The following HTT variants were observed in gnomAD, a reference collection of about 807,000 sequenced individuals.
HTT encodes huntingtin, also known as huntington disease protein.
A neutral mutation model predicts 362.3 loss-of-function variants in HTT; 104 were observed. That is an observed-to-expected ratio of 0.29 (90% CI 0.24 to 0.34). HTT has a LOEUF of 0.34. HTT is among the 10% of genes least tolerant of loss of function. The probability of loss-of-function intolerance (pLI) is 1.00; values close to 1 mark genes in which losing one functional copy is unlikely to be tolerated. For synonymous variants in HTT, 1,577 were observed against 1,548.7 expected, an observed-to-expected ratio of 1.02 and a Z score of -0.43; for missense variants, 3,301 against 3,928.6, an observed-to-expected ratio of 0.84 and a Z score of 4.27.
rs747375128 is a variant in HTT at position 3,127,389 on chromosome 4, G to T, written c.1528G>T (p.Val510Leu). 5 of 1,614,186 alleles carry T rather than the reference G, an allele frequency of 3.1e-6. No individual in the cohort carries two copies. In the Admixed American group the frequency reaches 8.3e-5, roughly 27 times the overall value. The part of the protein sequence containing the change: ...RSQHTLQADS[V>L]DLASCDLTSS... ...ACAGCACACACTGCAGGCGGACTCA[G>T]TGGATCTGGCCAGCTGTGACTTGAC... The change falls in exon 12 of 67, where the codon GTG (valine) becomes TTG (leucine). Residue 510 changes from valine to leucine, a missense_variant. By Grantham distance (32) the Val-to-Leu change is conservative. Around this residue, in one of 4 missense-constraint regions of HTT, gnomAD observed 2,316 missense variants for 2,658.5 expected, o/e 0.87. Transcript: ENST00000355072.
At chr4:3,100,228 G>T (rs928224179) in intron 3 of HTT, among the ~76,000 whole-genome samples, 2 of 152,190 alleles carry the variant, frequency 1.3e-5, no homozygotes, top group African/African-American at 4.8e-5. Context: ...GTCTGTGTAT[G>T]TGTGAGGATT....
intron 6 of HTT, among the ~76,000 whole-genome samples, chr4:3,113,851 C>T (rs1363956342): frequency 1.3e-5 from 2 of 151,930 alleles, no homozygotes; most frequent in Non-Finnish European, 2.9e-5. Context: ...GGAGGGAGTC[C>T]TGTGGCTGGG....
At chr4:3,097,870 G>A (rs896493993) in intron 2 of HTT, among the ~76,000 whole-genome samples, 32 of 152,092 alleles carry the variant, frequency 2.1e-4, no homozygotes, top group Non-Finnish European at 3.5e-4. Context: ...AATGGTATAC[G>A]AACTTTTTCA....
intron 26 of HTT, among the ~76,000 whole-genome samples, chr4:3,152,013 G>A (rs889849016): frequency 8.6e-5 from 13 of 152,004 alleles, no homozygotes; most frequent in East Asian, 1.9e-4. Context: ...CTGCGGCCTC[G>A]ATCTCCCAGG....
chr4:3,141,877 G>A lies in HTT; in HGVS notation c.2946-889G>A, dbSNP rs764072636. On this transcript the variant is annotated intron_variant, in intron 22 of 66. Transcript: ENST00000355072. ...ACTCAGAACTGGCATTTTCTCTCTT[G>A]GAGAAGATTCAGGACAAATACTCCT... Among the ~76,000 whole-genome samples the A allele has an allele frequency of 7.9e-4, 120 of 152,094 alleles. 1 individual carries two copies. Among genetic ancestry groups the A allele is most frequent in the Admixed American group, 2.0e-4 (3 of 15,274 alleles).
At chr4:3,224,890 A>G (rs572683152) in intron 56 of HTT, among the ~76,000 whole-genome samples, 4 of 152,268 alleles carry the variant, frequency 2.6e-5, no homozygotes, top group South Asian at 4.1e-4. Context: ...AGGAGCTCAT[A>G]AGTCAGGAGG....
At chr4:3,114,692 C>G (rs1714933711) in intron 6 of HTT, among the ~76,000 whole-genome samples, 1 of 152,102 alleles carries the variant, frequency 6.6e-6, no homozygotes, top group Non-Finnish European at 1.5e-5. Context: ...GCTGGGTCAC[C>G]CCTTTTCAAT....
In HTT at chr4:3,154,227, A is replaced by T; in HGVS notation, c.3499-66A>T. ...GGTAAAACCAAATATTCTAATTTTC[A>T]GTTTTGTTATACTTCCATCACATGT... On this transcript the variant is annotated intron_variant, in intron 26 of 66. Coordinates refer to ENST00000355072, the MANE Select transcript of HTT (RefSeq NM_001388492.1). The T allele has an allele frequency of 1.6e-5, 20 of 1,281,988 alleles. No individual in the cohort carries two copies. The South Asian group carries it at 2.4e-4, about 16-fold the overall frequency. The allele number at this position is 1,281,988 out of a possible 1,614,324, so 79.4% of individuals were successfully genotyped here.
In HTT at chr4:3,206,291, G is replaced by T. The variant is rs538786620; in HGVS notation, c.5719-205G>T. On this transcript the variant is annotated intron_variant, in intron 42 of 66. Coordinates refer to ENST00000355072, the MANE Select transcript of HTT (RefSeq NM_001388492.1). This position sits in a 1 kb window ranked among gnomAD's most constrained non-coding sequence, Gnocchi z 4.6. ...GGCCTAACTTCACACAGCCTCTGCCGCAGTGCGTGGTTGGAGGTGACGGCC... is the reference window on the plus strand; with the variant it reads ...GGCCTAACTTCACACAGCCTCTGCCTCAGTGCGTGGTTGGAGGTGACGGCC... Among the ~76,000 whole-genome samples, 4 of 152,240 alleles carry T rather than the reference G, an allele frequency of 2.6e-5. No individual in the cohort carries two copies. The highest frequency in any genetic ancestry group is 5.9e-5 in the Non-Finnish European group (4 of 68,042).
At chr4:3,146,740 G>A in intron 24 of HTT, 57 bp from the exon 25 acceptor site, 2 of 1,506,886 alleles carry the variant, frequency 1.3e-6, no homozygotes, top group Non-Finnish European at 1.8e-6. Flanking sequence ...GAGAAAGGAA[G>A]ACTGTTGTTT....
chr4:3,170,589 T>G (rs1305610589), intron 29 of HTT, among the ~76,000 whole-genome samples: 1 of 152,190 alleles, frequency 6.6e-6, no homozygotes, highest in Non-Finnish European at 1.5e-5. Context: ...TTTTCTCTTC[T>G]CTGGTGCTCT....
chr4:3,102,469 C>T (rs1199678659), intron 3 of HTT, among the ~76,000 whole-genome samples: 3 of 152,226 alleles, frequency 2.0e-5, no homozygotes, highest in South Asian at 2.1e-4. Context: ...TTGTCCAATT[C>T]GCTTTGCTCA....
At chr4:3,149,043 T>C (rs1716750009) in intron 26 of HTT, among the ~76,000 whole-genome samples, 1 of 152,238 alleles carries the variant, frequency 6.6e-6, no homozygotes, top group African/African-American at 2.4e-5. Flanking sequence ...TACCTAGCTT[T>C]AGTTTTAGGT....
chr4:3,208,374 T>A (rs1208853060), intron 45 of HTT, among the ~76,000 whole-genome samples: 1 of 152,268 alleles, frequency 6.6e-6, no homozygotes, highest in Non-Finnish European at 1.5e-5. Flanking sequence ...TTCCTATCAG[T>A]TGTCTTACTG....
chr4:3,090,746 CAAA>C (rs1713457836), intron 2 of HTT, among the ~76,000 whole-genome samples: 1 of 152,186 alleles, frequency 6.6e-6, no homozygotes, highest in African/African-American at 2.4e-5. Flanking sequence ...TAATCTTGAT[CAAA>C]ATTCTAGTAG....
At chr4:3,104,960 C>T (rs994312547) in intron 4 of HTT, among the ~76,000 whole-genome samples, 1 of 152,162 alleles carries the variant, frequency 6.6e-6, no homozygotes, top group Non-Finnish European at 1.5e-5. Flanking sequence ...ATATTATTGT[C>T]TATGATCCCT....
intron 2 of HTT, among the ~76,000 whole-genome samples, chr4:3,092,618 G>A (rs1713575118): frequency 1.3e-5 from 2 of 152,176 alleles, no homozygotes; most frequent in Admixed American, 1.3e-4. Flanking sequence ...CTGGGCCCAA[G>A]TGATCCTCCC....
At chr4:3,209,717 C>T (rs1308708400) in intron 46 of HTT, 110 bp from the exon 47 acceptor site, 2 of 1,355,906 alleles carry the variant, frequency 1.5e-6, no homozygotes, top group East Asian at 2.4e-5. Flanking sequence ...GCAGCCCTCT[C>T]AGCCTAGTGC....
At chr4:3,230,952 C>T (rs1433998096) in intron 60 of HTT, among the ~76,000 whole-genome samples, 1 of 152,230 alleles carries the variant, frequency 6.6e-6, no homozygotes, top group Non-Finnish European at 1.5e-5. Context: ...CCTTATTCTG[C>T]TTCTGGTTTA....
Sources: allele counts gnomAD v4.1 joint callset (sites outside exome capture counted in the v4.1 genomes callset), GRCh38; gene constraint gnomAD v4.1.1; regional missense constraint gnomAD v4.1.1; non-coding constraint Gnocchi (gnomAD v3.1); transcripts MANE v1.5; gene names NCBI Gene and HGNC (gene_info 2026-07-23, HGNC 2026-07-21).